The following DHX38 variants were observed in gnomAD, a reference collection of about 807,000 sequenced individuals.
The protein encoded by DHX38 is DEAH-box helicase 38.
A neutral mutation model predicts 153.1 loss-of-function variants in DHX38; 100 were observed. That is an observed-to-expected ratio of 0.65 (90% CI 0.56 to 0.77). DHX38 has a LOEUF of 0.77. Ranked by LOEUF, DHX38 falls within the 30% of genes least tolerant of loss-of-function variation. The pLI is 0.00. For missense variants in DHX38, 1,440 were observed against 1,654.0 expected, an observed-to-expected ratio of 0.87 and a Z score of 2.24; for synonymous variants, 650 against 631.7, an observed-to-expected ratio of 1.03 and a Z score of -0.43.
chr16:72,106,857 C>G (rs2042185205), intron 19 of DHX38, among the ~76,000 whole-genome samples: 1 of 152,094 alleles, frequency 6.6e-6, no homozygotes, highest in Admixed American at 6.5e-5. Context: ...GATTCTAGTC[C>G]CAGGCCCATT....
chr16:72,103,767 G>C lies in DHX38; in HGVS notation c.1803G>C (p.Met601Ile), dbSNP rs746488775. Residue 601 changes from methionine (M) to isoleucine (I), a missense_variant, in exon 13 of 27, where the codon ATG becomes ATC. Met to Ile is a conservative substitution (Grantham distance 10). Around this residue, in one of 6 missense-constraint regions of DHX38, gnomAD observed 241 missense variants for 229.5 expected, o/e 1.05. Transcript: ENST00000268482. ...MSVAKRVSEE[M>I]GGNLGEEVGY... ...TGGCCAAGAGAGTCAGTGAAGAGATGGGGGGAAACCTTGGCGAGGAGGTGA... is the reference window on the plus strand; with the variant it reads ...TGGCCAAGAGAGTCAGTGAAGAGATCGGGGGAAACCTTGGCGAGGAGGTGA... 8 of 1,612,526 alleles carry C rather than the reference G, an allele frequency of 5.0e-6. No homozygotes were observed. Among genetic ancestry groups the C allele is most frequent in the Admixed American group, 1.7e-5 (1 of 60,004 alleles).
rs1248943766 is a variant in DHX38, at chr16:72,099,838, A to C, written c.1067A>C (p.His356Pro). 1.9e-6 allele frequency: 3 copies of C among 1,613,560 alleles called. No individual in the cohort carries two copies. The South Asian group carries it at 3.3e-5, about 18-fold the overall frequency. ...GTGAGGAGGCGGGAGCAGCACCTGC[A>C]TAAACAGAAGCAGAAGCGCATTTCA... ...DYVRRREQHLHKQKQKRISAQ... is the reference protein window; with the variant it reads ...DYVRRREQHLPKQKQKRISAQ... The change falls in exon 8 of 27, where the codon CAT becomes CCT. Residue 356 changes from histidine (H) to proline (P), a missense_variant. By Grantham distance (77) the His-to-Pro change is moderately conservative. This residue lies in a region of DHX38 where 77 missense variants were observed against 125.4 expected (regional missense o/e 0.61). Coordinates refer to ENST00000268482, the MANE Select transcript of DHX38 (RefSeq NM_014003.4).
In DHX38 at chr16:72,108,364, T is replaced by C. The variant is rs142354626; in HGVS notation, c.3102T>C (p.His1034=). The part of the protein sequence containing the change: ...STIWCNDHFI[H]AKAMRKVREV... ...TCTGGTGTAACGATCATTTCATCCA[T>C]GCTAAGGCCATGCGGAAGGTAGAGT... Residue 1034 remains histidine (H), a synonymous_variant, in exon 22 of 27, where the codon CAT becomes CAC. Coordinates refer to ENST00000268482, the MANE Select transcript of DHX38 (RefSeq NM_014003.4). The C allele has an allele frequency of 2.6e-5, 42 of 1,614,030 alleles. No homozygotes were observed. Among genetic ancestry groups the C allele is most frequent in the Non-Finnish European group, 3.5e-5 (41 of 1,180,032 alleles).
Position 72,098,625 on chromosome 16 carries a change from A to G in DHX38, c.617-20A>G. 6.2e-7 allele frequency: 1 copy of G among 1,612,352 alleles called. No individual in the cohort carries two copies. The highest frequency in any genetic ancestry group is 8.5e-7 in the Non-Finnish European group (1 of 1,178,674). ...TGGTTAAGTGAGATGTTTCCTGTGG[A>G]TGTGTCTTTTGTGGCCCAGATGCAG... is the stretch of plus-strand genomic sequence containing the variant. On this transcript the variant is annotated intron_variant, in intron 4 of 26. Transcript: ENST00000268482.
Position 72,103,702 on chromosome 16 carries a change from A to G in DHX38, c.1738A>G (p.Ile580Val), listed in dbSNP as rs2144154267. Residue 580 changes from isoleucine (I) to valine (V), a missense_variant, in exon 13 of 27, where the codon ATT becomes GTT. Ile to Val is a conservative substitution (Grantham distance 29). Around this residue, in one of 6 missense-constraint regions of DHX38, gnomAD observed 241 missense variants for 229.5 expected, o/e 1.05. Coordinates refer to ENST00000268482, the MANE Select transcript of DHX38 (RefSeq NM_014003.4). ...HEDGYTDYGM[I>V]GCTQPRRVAA... The stretch of plus-strand genomic sequence containing the variant: ...AGATGGTTACACGGACTATGGGATG[A>G]TTGGGTGTACCCAGCCCCGGCGTGT... 1 of 1,614,162 alleles carries G rather than the reference A, an allele frequency of 6.2e-7. No homozygotes were observed. Among genetic ancestry groups the G allele is most frequent in the Non-Finnish European group, 8.5e-7 (1 of 1,180,012 alleles).
Position 72,112,836 on chromosome 16 carries a change from C to CA in DHX38, c.*345dup. 1 of 697,100 alleles carries CA rather than the reference C, an allele frequency of 1.4e-6. No individual in the cohort carries two copies. Among genetic ancestry groups the CA allele is most frequent in the East Asian group, 2.7e-5 (1 of 37,260 alleles). 43.2% of individuals were successfully genotyped at this position (697,100 alleles called of 1,614,324 possible). On this transcript the variant is annotated 3_prime_UTR_variant, in exon 27 of 27. Transcript: ENST00000268482. ...CTTTTTTAATCCTTGTGTAAAGCAG[C>CA]AAAAAAGACCTAAAGGGAATTGTAA...
At position 72,107,715 on chromosome 16, in the gene DHX38, C is replaced by T. The variant is rs183625590; in HGVS notation, c.2880C>T (p.Ile960=). ...PLDPALSKML[I]VSCDMGCSSE... The stretch of plus-strand genomic sequence containing the variant: ...ACCCTGCCCTGTCCAAGATGCTCAT[C>T]GTGTCCTGTGACATGGGCTGCAGCT... The change falls in exon 21 of 27, where the codon ATC becomes ATT. Residue 960 remains isoleucine, a synonymous_variant. Transcript: ENST00000268482. This position sits in a 1 kb window ranked among gnomAD's most constrained non-coding sequence, Gnocchi z 5.3. 1.4e-4 allele frequency: 233 copies of T among 1,614,148 alleles called. No homozygotes were observed. The highest frequency in any genetic ancestry group is 2.0e-4 in the East Asian group (9 of 44,876).
chr16:72,104,395 T>C lies in DHX38; in HGVS notation c.2011-91T>C. ...AATAGGCCCATTTGTCAGCTTTGGCTTGTGTTTCCTCGGGGGTGGTGCTGA... is the reference window on the plus strand; with the variant it reads ...AATAGGCCCATTTGTCAGCTTTGGCCTGTGTTTCCTCGGGGGTGGTGCTGA... On this transcript the variant is annotated intron_variant, in intron 14 of 26. Transcript: ENST00000268482. This position sits in a 1 kb window ranked among gnomAD's most constrained non-coding sequence, Gnocchi z 4.5. The C allele has an allele frequency of 6.5e-7, 1 of 1,543,968 alleles. No homozygotes were observed. Among genetic ancestry groups the C allele is most frequent in the Non-Finnish European group, 8.8e-7 (1 of 1,142,574 alleles).
chr16:72,099,812 C>T lies in DHX38; in HGVS notation c.1041C>T (p.Tyr347=), dbSNP rs572107563. The T allele has an allele frequency of 2.3e-5, 37 of 1,613,996 alleles. No homozygotes were observed. Among genetic ancestry groups the T allele is most frequent in the South Asian group, 7.7e-5 (7 of 91,048 alleles). Residue 347 remains tyrosine (Y), a synonymous_variant, in exon 8 of 27, where the codon TAC becomes TAT. Coordinates refer to ENST00000268482, the MANE Select transcript of DHX38 (RefSeq NM_014003.4). ...CGCTGGCCTACTCCTCCGAGGACTA[C>T]GTGAGGAGGCGGGAGCAGCACCTGC... The part of the protein sequence containing the change: ...HNPLAYSSED[Y]VRRREQHLHK...
chr16:72,104,140 T>C lies in DHX38; in HGVS notation c.2010+9T>C. ...TTGGGCTGCTCCGGGAGGTGAGGGC[T>C]GTGTGGTTTGGTCTCTCTGCGCATG... On this transcript the variant is annotated intron_variant, in intron 14 of 26. Coordinates refer to ENST00000268482, the MANE Select transcript of DHX38 (RefSeq NM_014003.4). The surrounding 1 kb of genome is among the most constrained non-coding windows in gnomAD (Gnocchi z 4.5). 6.2e-7 allele frequency: 1 copy of C among 1,612,568 alleles called. No homozygotes were observed. Among genetic ancestry groups the C allele is most frequent in the Non-Finnish European group, 8.5e-7 (1 of 1,178,814 alleles).
At position 72,104,650 on chromosome 16, in the gene DHX38, A is replaced by AG. The variant is rs1390342718; in HGVS notation, c.2151+24_2151+25insG. The AG allele has an allele frequency of 6.8e-6, 11 of 1,613,438 alleles. No homozygotes were observed. The highest frequency in any genetic ancestry group is 8.5e-6 in the Non-Finnish European group (10 of 1,179,826). ...AGGTATTGAGGCCACCATGTTACGA[A>AG]CTGACCCTTCCATGCCACGCACTTC... On this transcript the variant is annotated intron_variant, in intron 15 of 26. Coordinates refer to ENST00000268482, the MANE Select transcript of DHX38 (RefSeq NM_014003.4). The surrounding 1 kb of genome is among the most constrained non-coding windows in gnomAD (Gnocchi z 4.5).
In DHX38 at chr16:72,104,086, C is replaced by T. The variant is rs753480712; in HGVS notation, c.1965C>T (p.His655=). 9.3e-6 allele frequency: 15 copies of T among 1,614,168 alleles called. No individual in the cohort carries two copies. Among genetic ancestry groups the T allele is most frequent in the Admixed American group, 3.3e-5 (2 of 60,026 alleles). ...HYSAIIMDEA[H]ERSLNTDVLF... is the part of the protein sequence containing the mutation. ...GTGCCATCATCATGGACGAGGCCCA[C>T]GAGCGCTCCCTCAACACTGACGTGC... is the stretch of plus-strand genomic sequence containing the variant. The change falls in exon 14 of 27, where the codon CAC becomes CAT. Residue 655 remains histidine, a synonymous_variant. Transcript: ENST00000268482. This position sits in a 1 kb window ranked among gnomAD's most constrained non-coding sequence, Gnocchi z 4.5.
At position 72,105,635 on chromosome 16, in the gene DHX38, A is replaced by T; in HGVS notation, c.2487+11A>T. 1 of 1,613,978 alleles carries T rather than the reference A, an allele frequency of 6.2e-7. No homozygotes were observed. The highest frequency in any genetic ancestry group is 1.7e-5 in the Admixed American group (1 of 60,036). ...TATTGCAAATTAAAGGTAAGAGAAG[A>T]CATGGGAGGCAAGGCCTGGGTGTTC... is the stretch of plus-strand genomic sequence containing the variant. On this transcript the variant is annotated intron_variant, in intron 18 of 26. Transcript: ENST00000268482.
Position 72,107,540 on chromosome 16 carries a change from A to C in DHX38, c.2801A>C (p.Asp934Ala). 6 of 1,613,198 alleles carry C rather than the reference A, an allele frequency of 3.7e-6. No individual in the cohort carries two copies. The highest frequency in any genetic ancestry group is 5.1e-6 in the Non-Finnish European group (6 of 1,179,222). The stretch of plus-strand genomic sequence containing the variant: ...CAGCTCTGGATCCTCGGGGCCCTGG[A>C]CAACACAGGTGAGGCGGCCCCGGGA... The part of the protein sequence containing the change: ...MYQLWILGAL[D>A]NTGGLTSTGR... The change falls in exon 20 of 27, where the codon GAC becomes GCC. Residue 934 changes from aspartate to alanine, a missense_variant. This residue lies in a region of DHX38 where 543 missense variants were observed against 717.9 expected (regional missense o/e 0.76). Coordinates refer to ENST00000268482, the MANE Select transcript of DHX38 (RefSeq NM_014003.4). This position sits in a 1 kb window ranked among gnomAD's most constrained non-coding sequence, Gnocchi z 5.3.
chr16:72,098,144 G>T (rs1313946731), intron 4 of DHX38, among the ~76,000 whole-genome samples: 1 of 152,146 alleles, frequency 6.6e-6, no homozygotes, highest in African/African-American at 2.4e-5. Context: ...ATGCAAACTG[G>T]ACCATTGGCT....
Position 72,112,472 on chromosome 16 carries a change from G to A in DHX38, c.3659G>A (p.Arg1220His), listed in dbSNP as rs754063843. The change falls in exon 27 of 27, where the codon CGC becomes CAC. Residue 1220 changes from arginine (R) to histidine (H), a missense_variant. By Grantham distance (29) the Arg-to-His change is conservative. Transcript: ENST00000268482. ...CAAGGGGAGCCCATGACCCCTCGCCGCACGCCAGCCCGCTTTGGTCTGTGA... is the reference window on the plus strand; with the variant it reads ...CAAGGGGAGCCCATGACCCCTCGCCACACGCCAGCCCGCTTTGGTCTGTGA... Reference protein sequence around the residue: ...KEQGEPMTPRRTPARFGL With the variant: ...KEQGEPMTPRHTPARFGL The A allele has an allele frequency of 6.2e-6, 10 of 1,611,976 alleles. No homozygotes were observed. Among genetic ancestry groups the A allele is most frequent in the African/African-American group, 4.0e-5 (3 of 74,932 alleles).
Position 72,100,611 on chromosome 16 carries a change from G to A in DHX38, c.1278+14G>A. On this transcript the variant is annotated intron_variant, in intron 9 of 26. Coordinates refer to ENST00000268482, the MANE Select transcript of DHX38 (RefSeq NM_014003.4). ...TTCACCAAGCAGGTGAGGCTCCTCT[G>A]TGGCCAGGGACAAGACAGCTCAGAG... 1 of 1,613,112 alleles carries A rather than the reference G, an allele frequency of 6.2e-7. No homozygotes were observed. Among genetic ancestry groups the A allele is most frequent in the African/African-American group, 1.3e-5 (1 of 75,002 alleles).
At chr16:72,095,070 C>CA (rs2041991451) in intron 1 of DHX38, among the ~76,000 whole-genome samples, 1 of 152,214 alleles carries the variant, frequency 6.6e-6, no homozygotes, top group Non-Finnish European at 1.5e-5. Flanking sequence ...TAGAGCTGTG[C>CA]ATTTAATTAG....
At position 72,096,186 on chromosome 16, in the gene DHX38, TC is replaced by T. The variant is rs759048883; in HGVS notation, c.31del (p.His11IlefsTer47). On this transcript the variant is annotated frameshift_variant, in exon 2 of 27. Coordinates refer to ENST00000268482, the MANE Select transcript of DHX38 (RefSeq NM_014003.4). LOFTEE classifies it high-confidence loss of function. The stretch of plus-strand genomic sequence containing the variant: ...GGGGACACCAGTGAGGATGCCTCGA[TC>T]CATCGATTGGAAGGCACTGATCTGG... MGDTSEDAS[I>X]HRLEGTDLDC... 1 of 1,607,432 alleles carries T rather than the reference TC, an allele frequency of 6.2e-7. No homozygotes were observed. The highest frequency in any genetic ancestry group is 8.5e-7 in the Non-Finnish European group (1 of 1,174,484).
Sources: gnomAD v4.1 joint callset for allele counts (sites outside exome capture counted in the v4.1 genomes callset) on GRCh38, gnomAD v4.1.1 for gene constraint, gnomAD v4.1.1 regional missense constraint, Gnocchi (gnomAD v3.1) non-coding constraint, MANE v1.5 for transcripts, NCBI Gene and HGNC (gene_info 2026-07-23, HGNC 2026-07-21) for gene names.